NXPE2: variants seen among roughly 807,000 people sequenced by gnomAD.
NXPE2 encodes the protein neurexophilin and PC-esterase domain family member 2.
A neutral mutation model predicts 34.4 loss-of-function variants in NXPE2; 34 were observed. That is an observed-to-expected ratio of 0.99 (90% CI 0.75 to 1.31). The LOEUF is 1.31. NXPE2 is among the 40% of genes most tolerant of loss of function. The pLI is 0.00. For missense variants in NXPE2, 649 were observed against 672.5 expected (o/e 0.97, Z 0.39); for synonymous variants, 235 against 231.3 (o/e 1.02, Z -0.15).
chr11:114,519,092 T>C, the NXPE2 span, among the ~76,000 whole-genome samples: 1 of 152,206 alleles, frequency 6.6e-6, no homozygotes, highest in Non-Finnish European at 1.5e-5. Context: ...ATGTGACCAA[T>C]TGACCCCACA....
chr11:114,707,958 G>A (rs1951502588), downstream of NXPE2, among the ~76,000 whole-genome samples: 1 of 152,098 alleles, frequency 6.6e-6, no homozygotes, highest in African/African-American at 2.4e-5. Context: ...CGACATTTGG[G>A]TTGTTTCCCC....
At chr11:114,674,829 G>C (rs1356302293), upstream of NXPE2, among the ~76,000 whole-genome samples, 1 of 151,726 alleles carries the variant, frequency 6.6e-6, no homozygotes, top group Non-Finnish European at 1.5e-5. Context: ...CGATATCAAA[G>C]CCAGACAAGG....
chr11:114,522,893 G>C, the NXPE2 span: 1 of 1,611,402 alleles, frequency 6.2e-7, no homozygotes, highest in Non-Finnish European at 8.5e-7. Flanking sequence ...TACAACTTTG[G>C]GGAAGTAGTA....
chr11:114,580,859 A>G, the NXPE2 span, among the ~76,000 whole-genome samples: 1 of 152,226 alleles, frequency 6.6e-6, no homozygotes, highest in Non-Finnish European at 1.5e-5. Context: ...TTAGAGGTCC[A>G]AGATGGGCCA....
the NXPE2 span, among the ~76,000 whole-genome samples, chr11:114,727,824 TC>T: frequency 1.8e-5 from 2 of 112,216 alleles, no homozygotes; most frequent in African/African-American, 3.1e-5. Context: ...CACATATCTT[TC>T]CCCTTCTCTT....
chr11:114,633,179 T>A, the NXPE2 span, among the ~76,000 whole-genome samples: 1 of 128,922 alleles, frequency 7.8e-6, no homozygotes, highest in African/African-American at 3.0e-5. Flanking sequence ...ATAATTTATA[T>A]GATTATATTT....
chr11:114,609,416 T>C, the NXPE2 span, among the ~76,000 whole-genome samples: 1 of 150,454 alleles, frequency 6.6e-6, no homozygotes, highest in Admixed American at 6.6e-5. Context: ...ACTGTTACCC[T>C]GTGGATAATA....
chr11:114,538,912 G>T, the NXPE2 span, among the ~76,000 whole-genome samples: 1 of 152,114 alleles, frequency 6.6e-6, no homozygotes, highest in African/African-American at 2.4e-5. Flanking sequence ...AATACCATTT[G>T]ACCCAGCCAT....
the NXPE2 span, among the ~76,000 whole-genome samples, chr11:114,600,667 G>T: frequency 6.6e-6 from 1 of 151,978 alleles, no homozygotes; most frequent in African/African-American, 2.4e-5. Context: ...ATCCTGGATT[G>T]GGTCCTGAAA....
the NXPE2 span, among the ~76,000 whole-genome samples, chr11:114,767,283 C>G: frequency 1.3e-5 from 2 of 152,132 alleles, no homozygotes; most frequent in Admixed American, 1.3e-4. Flanking sequence ...TATTTTAGGG[C>G]TGATGATATC....
the NXPE2 span, among the ~76,000 whole-genome samples, chr11:114,644,012 T>C: frequency 6.6e-6 from 1 of 152,150 alleles, no homozygotes; most frequent in African/African-American, 2.4e-5. Flanking sequence ...GGCATTTTAT[T>C]CTCTTTGCAG....
chr11:114,780,256 T>TG, the NXPE2 span, among the ~76,000 whole-genome samples: 1 of 152,298 alleles, frequency 6.6e-6, no homozygotes, highest in South Asian at 2.1e-4. Context: ...TTCCCTTTCA[T>TG]GGGTCCAGCT....
the NXPE2 span, among the ~76,000 whole-genome samples, chr11:114,639,720 A>G: frequency 0.012 from 1,543 of 130,060 alleles, 37 homozygotes; most frequent in African/African-American, 0.041. Context: ...AATATATAAT[A>G]TAGTAATATA....
the NXPE2 span, among the ~76,000 whole-genome samples, chr11:114,753,145 A>G: frequency 6.6e-6 from 1 of 152,152 alleles, no homozygotes; most frequent in Non-Finnish European, 1.5e-5. Context: ...AGTGGCTAGC[A>G]CCTGTAGTCC....
At chr11:114,676,083 A>G (rs1950855168), upstream of NXPE2, among the ~76,000 whole-genome samples, 2 of 151,924 alleles carry the variant, frequency 1.3e-5, no homozygotes, top group African/African-American at 4.8e-5. Context: ...ATCTCACAAC[A>G]TATAAAAAAA....
chr11:114,768,473 T>C, the NXPE2 span, among the ~76,000 whole-genome samples: 1 of 152,224 alleles, frequency 6.6e-6, no homozygotes, highest in African/African-American at 2.4e-5. Context: ...TTGATGGGGA[T>C]AGCATTGAAT....
the NXPE2 span, among the ~76,000 whole-genome samples, chr11:114,773,082 A>G: frequency 6.6e-6 from 1 of 152,104 alleles, no homozygotes; most frequent in East Asian, 1.9e-4. Flanking sequence ...ATCTCAGTGC[A>G]CTAACCCTGA....
the NXPE2 span, among the ~76,000 whole-genome samples, chr11:114,600,403 C>T: frequency 1.3e-5 from 2 of 152,044 alleles, no homozygotes; most frequent in African/African-American, 4.8e-5. Flanking sequence ...CCTTCATTTA[C>T]CAAATAATCT....
chr11:114,764,625 T>C, the NXPE2 span, among the ~76,000 whole-genome samples: 2 of 152,168 alleles, frequency 1.3e-5, no homozygotes, highest in African/African-American at 4.8e-5. Context: ...AAAGTATGTT[T>C]TGAATCACTT....
Sources: allele counts gnomAD v4.1 joint callset (sites outside exome capture counted in the v4.1 genomes callset), GRCh38; gene constraint gnomAD v4.1.1; transcripts MANE v1.5; gene names NCBI Gene and HGNC (gene_info 2026-07-23, HGNC 2026-07-21).